The following ST6GALNAC3 variants were observed in gnomAD, a reference collection of about 807,000 sequenced individuals.
ST6GALNAC3 encodes the protein alpha-N-acetylgalactosaminide alpha-2,6-sialyltransferase 3.
A neutral mutation model predicts 32.7 loss-of-function variants in ST6GALNAC3; 25 were observed. The ratio of observed to expected loss-of-function variants is 0.76; its 90% CI spans 0.56 to 1.07. The LOEUF (loss-of-function observed/expected upper bound fraction) is 1.07. Ranked by LOEUF, ST6GALNAC3 falls within the 50% of genes least tolerant of loss-of-function variation. The pLI is 0.00. For missense variants in ST6GALNAC3, 355 were observed against 382.4 expected (o/e 0.93, Z 0.60); for synonymous variants, 129 against 133.1 (o/e 0.97, Z 0.21).
intron 2 of ST6GALNAC3, among the ~76,000 whole-genome samples, chr1:76,327,633 G>C (rs372159450): frequency 6.6e-6 from 1 of 152,126 alleles, no homozygotes; most frequent in South Asian, 2.1e-4. Context: ...TGTGTCGCCC[G>C]GGCGGGAGGG....
At chr1:76,342,345 A>G (rs1222117071) in intron 2 of ST6GALNAC3, among the ~76,000 whole-genome samples, 1 of 151,782 alleles carries the variant, frequency 6.6e-6, no homozygotes, top group Admixed American at 6.6e-5. Flanking sequence ...AAGCATTCGT[A>G]TTTCTCCACA....
chr1:76,431,617 T>G (rs983007733), intron 3 of ST6GALNAC3, among the ~76,000 whole-genome samples: 6 of 152,180 alleles, frequency 3.9e-5, no homozygotes, highest in African/African-American at 1.4e-4. Context: ...CTGGTTCTCC[T>G]CTATGTAGAA....
intron 1 of ST6GALNAC3, among the ~76,000 whole-genome samples, chr1:76,256,015 A>AAC (rs10635688): frequency 0.043 from 6,453 of 148,500 alleles, 181 homozygotes; most frequent in South Asian, 0.11. Context: ...TGTCAGTGGT[A>AAC]ACACACACAC....
intron 3 of ST6GALNAC3, among the ~76,000 whole-genome samples, chr1:76,542,146 G>C (rs1664029659): frequency 1.3e-5 from 2 of 152,162 alleles, no homozygotes; most frequent in Non-Finnish European, 2.9e-5. Flanking sequence ...TAGACTCACT[G>C]TCATATCTGG....
At position 76,273,327 on chromosome 1, in the gene ST6GALNAC3, A is replaced by C. The variant is rs186107825; in HGVS notation, c.19-40478A>C. 3.2e-3 allele frequency among the ~76,000 whole-genome samples: 493 copies of C among 152,156 alleles called. 13 individuals are homozygous for C. The highest frequency in any genetic ancestry group is 0.026 in the Admixed American group (399 of 15,308). On this transcript the variant is annotated intron_variant, in intron 1 of 4. Coordinates refer to ENST00000328299, the MANE Select transcript of ST6GALNAC3 (RefSeq NM_152996.4). ...GCAATGAAAAAAATAGGAAAAAAAA[A>C]CAAGTAAGATTTATCACATGAAAAT...
intron 3 of ST6GALNAC3, among the ~76,000 whole-genome samples, chr1:76,475,663 A>G (rs1321353781): frequency 2.0e-5 from 3 of 152,150 alleles, no homozygotes; most frequent in Admixed American, 6.6e-5. Flanking sequence ...CTCCTAGGGT[A>G]CAAATGTTGT....
chr1:76,378,492 T>TGG, intron 2 of ST6GALNAC3, among the ~76,000 whole-genome samples: 1 of 151,934 alleles, frequency 6.6e-6, no homozygotes, highest in South Asian at 2.1e-4. Context: ...GGAAATGCCG[T>TGG]CTCTAATAAA....
chr1:76,496,390 C>T (rs372914431), intron 3 of ST6GALNAC3, among the ~76,000 whole-genome samples: 1 of 152,178 alleles, frequency 6.6e-6, no homozygotes, highest in South Asian at 2.1e-4. Context: ...ATTCTGGCTT[C>T]TGGTCAGATG....
chr1:76,583,504 G>A (rs992572724), intron 3 of ST6GALNAC3, among the ~76,000 whole-genome samples: 4 of 151,922 alleles, frequency 2.6e-5, no homozygotes, highest in African/African-American at 4.8e-5. Context: ...AAACATCCCT[G>A]TAGGATTGCC....
At chr1:76,524,955 C>A (rs1054223447) in intron 3 of ST6GALNAC3, among the ~76,000 whole-genome samples, 1 of 151,702 alleles carries the variant, frequency 6.6e-6, no homozygotes, top group Non-Finnish European at 1.5e-5. Flanking sequence ...AGAAAAAAAT[C>A]CCACATGAAA....
chr1:76,450,284 G>T (rs1258076245), intron 3 of ST6GALNAC3, among the ~76,000 whole-genome samples: 1 of 151,932 alleles, frequency 6.6e-6, no homozygotes. Context: ...GAGTAAGGTG[G>T]CATCACAAAA....
intron 1 of ST6GALNAC3, among the ~76,000 whole-genome samples, chr1:76,232,798 C>T (rs905380995): frequency 2.6e-5 from 4 of 152,126 alleles, no homozygotes; most frequent in East Asian, 1.9e-4. Flanking sequence ...AGCGTTAAAG[C>T]GGGGCCCCAG....
At chr1:76,433,665 CTGTGGGGAT>C (rs1454607250) in intron 3 of ST6GALNAC3, among the ~76,000 whole-genome samples, 1 of 152,170 alleles carries the variant, frequency 6.6e-6, no homozygotes, top group Admixed American at 6.5e-5. Context: ...GGACAGCAGT[CTGTGGGGAT>C]TGTGTAAGTG....
chr1:76,147,537 A>G (rs1650765769), intron 1 of ST6GALNAC3, among the ~76,000 whole-genome samples: 1 of 152,022 alleles, frequency 6.6e-6, no homozygotes, highest in Admixed American at 6.5e-5. Context: ...TCCATGCTTG[A>G]TTTTTCTTTA....
intron 3 of ST6GALNAC3, among the ~76,000 whole-genome samples, chr1:76,426,783 C>T (rs1010579367): frequency 2.6e-5 from 4 of 151,778 alleles, no homozygotes; most frequent in African/African-American, 4.8e-5. Flanking sequence ...ATGAGTAATG[C>T]GTTGTACTAT....
chr1:76,331,662 C>T (rs1363818874), intron 2 of ST6GALNAC3, among the ~76,000 whole-genome samples: 1 of 152,172 alleles, frequency 6.6e-6, no homozygotes, highest in East Asian at 1.9e-4. Context: ...TGTTGCATCT[C>T]CCTGTTTTCC....
chr1:76,101,402 A>G (rs909291049), intron 1 of ST6GALNAC3, among the ~76,000 whole-genome samples: 3 of 152,124 alleles, frequency 2.0e-5, no homozygotes, highest in African/African-American at 7.2e-5. Flanking sequence ...TTGCTTATCC[A>G]TTCTCCTACT....
chr1:76,217,262 A>G (rs1352906828), intron 1 of ST6GALNAC3, among the ~76,000 whole-genome samples: 1 of 152,216 alleles, frequency 6.6e-6, no homozygotes, highest in Non-Finnish European at 1.5e-5. Context: ...TTAAATTATG[A>G]TCATAAATCC....
chr1:76,259,767 G>A (rs1658120505), intron 1 of ST6GALNAC3, among the ~76,000 whole-genome samples: 1 of 152,170 alleles, frequency 6.6e-6, no homozygotes, highest in Admixed American at 6.5e-5. Context: ...ATTTGGGGCA[G>A]TAGCATTTTC....
Sources: gnomAD v4.1 joint callset for allele counts (sites outside exome capture counted in the v4.1 genomes callset) on GRCh38, gnomAD v4.1.1 for gene constraint, MANE v1.5 for transcripts, NCBI Gene and HGNC (gene_info 2026-07-23, HGNC 2026-07-21) for gene names.